LPXN: variants seen among roughly 807,000 people sequenced by gnomAD.
LPXN encodes leupaxin.
LPXN carries 28 observed loss-of-function variants against 45.6 expected under a neutral mutation model. The ratio of observed to expected loss-of-function variants is 0.61; its 90% confidence interval spans 0.45 to 0.84. The LOEUF (loss-of-function observed/expected upper bound fraction) is 0.84, where lower values mean the gene tolerates loss of function less well. Among genes scored for constraint, LPXN ranks in the 40% least tolerant of loss-of-function variants. The pLI is 0.00. For synonymous variants in LPXN, 166 were observed against 169.9 expected, an observed-to-expected ratio of 0.98 and a Z score of 0.18; for missense variants, 459 against 475.0, an observed-to-expected ratio of 0.97 and a Z score of 0.31.
chr11:58,543,732 T>C (rs992534037), intron 7 of LPXN, among the ~76,000 whole-genome samples: 10 of 152,198 alleles, frequency 6.6e-5, no homozygotes, highest in Non-Finnish European at 1.5e-4. Flanking sequence ...CTGTGGGAAC[T>C]GACAGTATCA....
upstream of LPXN, among the ~76,000 whole-genome samples, chr11:58,578,381 G>A (rs1482600206): frequency 6.6e-6 from 1 of 152,202 alleles, no homozygotes; most frequent in African/African-American, 2.4e-5. Context: ...AAGCCTAGGC[G>A]AAATAAGACT....
intron 7 of LPXN, among the ~76,000 whole-genome samples, chr11:58,547,894 A>G (rs1269302695): frequency 6.6e-6 from 1 of 152,204 alleles, no homozygotes; most frequent in Admixed American, 6.5e-5. Flanking sequence ...AGGACAGGAG[A>G]AAAACAAAGT....
rs1853251293 is a variant in LPXN, at chr11:58,527,246, A to G, written c.*208T>C. The G allele has an allele frequency of 3.7e-6, 2 of 539,644 alleles. No homozygotes were observed. The highest frequency in any genetic ancestry group is 1.9e-5 in the African/African-American group (1 of 53,092). The allele number at this position is 539,644 out of a possible 1,614,324, so 33.4% of individuals were successfully genotyped here. ...GATTGGAGAAGAGAGGGAGAAAGAGAATTTATAGAATTAACTGTATAGAAG... is the reference window on the plus strand; with the variant it reads ...GATTGGAGAAGAGAGGGAGAAAGAGGATTTATAGAATTAACTGTATAGAAG... On this transcript the variant is annotated 3_prime_UTR_variant, in exon 9 of 9. Coordinates refer to ENST00000395074, the MANE Select transcript of LPXN (RefSeq NM_004811.3).
upstream of LPXN, chr11:58,577,850 T>C: frequency 4.5e-6 from 3 of 662,800 alleles, no homozygotes; most frequent in Non-Finnish European, 7.2e-6. Context: ...GGCTCCTTGG[T>C]GTCCCAACAA....
At chr11:58,553,449 T>C (rs958387873) in intron 4 of LPXN, among the ~76,000 whole-genome samples, 1 of 152,112 alleles carries the variant, frequency 6.6e-6, no homozygotes, top group Non-Finnish European at 1.5e-5. Flanking sequence ...ACATTTTTTC[T>C]AGTATTTTCA....
At chr11:58,549,640 G>T in intron 7 of LPXN, 146 bp downstream of exon 7, 2 of 611,292 alleles carry the variant, frequency 3.3e-6, no homozygotes, top group Non-Finnish European at 5.9e-6. Flanking sequence ...TTGGAGAAAG[G>T]TAGGGAGGGA....
At chr11:58,564,567 A>G (rs545138569) in intron 2 of LPXN, among the ~76,000 whole-genome samples, 4 of 152,312 alleles carry the variant, frequency 2.6e-5, no homozygotes, top group African/African-American at 9.6e-5. Flanking sequence ...ATGTTATTAA[A>G]CTTGACATAT....
Position 58,550,134 on chromosome 11 carries a change from G to C in LPXN, c.499C>G (p.Leu167Val). The C allele has an allele frequency of 6.2e-7, 1 of 1,613,678 alleles. No individual in the cohort carries two copies. The highest frequency in any genetic ancestry group is 8.5e-7 in the Non-Finnish European group (1 of 1,179,594). ...TGCTCAGGATGCCATGATTGCCCTA[G>C]AGCATGGATCACCTGTGGAGTGAAA... The part of the protein sequence containing the change: ...KPIAGKVIHA[L>V]GQSWHPEHFV... The change falls in exon 6 of 9, where the codon CTA becomes GTA. Residue 167 changes from leucine to valine, a missense_variant. Coordinates refer to ENST00000395074, the MANE Select transcript of LPXN (RefSeq NM_004811.3).
At chr11:58,558,971 C>T (rs1854293579) in intron 3 of LPXN, among the ~76,000 whole-genome samples, 1 of 151,454 alleles carries the variant, frequency 6.6e-6, no homozygotes, top group Non-Finnish European at 1.5e-5. Context: ...ATATTTAAAA[C>T]ATAATATTCA....
At chr11:58,569,068 A>G (rs2134348572) in intron 2 of LPXN, among the ~76,000 whole-genome samples, 1 of 152,342 alleles carries the variant, frequency 6.6e-6, no homozygotes, top group South Asian at 2.1e-4. Context: ...ATAAATTCGT[A>G]TCGTTAAAAT....
chr11:58,575,631 AC>A, intron 1 of LPXN, 128 bp downstream of exon 1: 1 of 1,064,188 alleles, frequency 9.4e-7, no homozygotes, highest in Non-Finnish European at 1.5e-6. Context: ...AGGGCTGAGG[AC>A]AGGAAAGAAG....
chr11:58,571,342 A>T (rs1163223484), intron 1 of LPXN, among the ~76,000 whole-genome samples: 3 of 146,990 alleles, frequency 2.0e-5, no homozygotes, highest in Non-Finnish European at 4.5e-5. Context: ...CCTGTCTCAA[A>T]AAATAAATAA....
At chr11:58,535,700 T>A (rs894684957) in intron 7 of LPXN, among the ~76,000 whole-genome samples, 3 of 152,086 alleles carry the variant, frequency 2.0e-5, no homozygotes, top group African/African-American at 7.2e-5. Flanking sequence ...AAATAAAGGG[T>A]ACTCACATAG....
intron 7 of LPXN, among the ~76,000 whole-genome samples, chr11:58,546,161 C>T (rs904378482): frequency 2.0e-5 from 3 of 152,042 alleles, no homozygotes; most frequent in African/African-American, 7.2e-5. Flanking sequence ...AGAGTGGTAC[C>T]TGGCTTAACA....
chr11:58,565,403 C>A (rs1332469365), intron 2 of LPXN, among the ~76,000 whole-genome samples: 1 of 151,860 alleles, frequency 6.6e-6, no homozygotes. Flanking sequence ...AGTGGTGTTG[C>A]GTGCCTGTAA....
intron 4 of LPXN, among the ~76,000 whole-genome samples, chr11:58,553,275 G>T (rs1353184559): frequency 6.8e-6 from 1 of 147,832 alleles, no homozygotes; most frequent in Non-Finnish European, 1.5e-5. Flanking sequence ...GGTGGAGGTT[G>T]CAGTGAGCCG....
Position 58,557,096 on chromosome 11 carries a change from G to C in LPXN, c.219-2156C>G, listed in dbSNP as rs1854226584. Among the ~76,000 whole-genome samples the C allele has an allele frequency of 2.6e-5, 4 of 152,274 alleles. No individual in the cohort carries two copies. The South Asian group carries it at 8.3e-4, about 32-fold the overall frequency. On this transcript the variant is annotated intron_variant, in intron 3 of 8. Transcript: ENST00000395074. ...AAGAACCTTTATACACTGTTGGTGG[G>C]AATGTAGATTGTTACAGCCATTACA... is the stretch of plus-strand genomic sequence containing the variant.
intron 7 of LPXN, among the ~76,000 whole-genome samples, chr11:58,530,211 C>T (rs920588645): frequency 2.0e-5 from 3 of 152,204 alleles, no homozygotes; most frequent in African/African-American, 7.2e-5. Flanking sequence ...TGTTCACTCC[C>T]CTGGAAAGGG....
intron 1 of LPXN, among the ~76,000 whole-genome samples, chr11:58,575,110 T>C (rs1326556897): frequency 6.6e-6 from 1 of 152,206 alleles, no homozygotes; most frequent in Non-Finnish European, 1.5e-5. Context: ...ATATGGTTAA[T>C]AGTTCCACTG....
Sources: allele counts gnomAD v4.1 joint callset (sites outside exome capture counted in the v4.1 genomes callset), GRCh38; gene constraint gnomAD v4.1.1; transcripts MANE v1.5; gene names NCBI Gene and HGNC (gene_info 2026-07-23, HGNC 2026-07-21).